The following USP7 variants were observed in gnomAD, a reference collection of about 807,000 sequenced individuals.
USP7 encodes ubiquitin specific peptidase 7.
USP7 carries 9 observed loss-of-function variants against 162.9 expected under a neutral mutation model. The ratio of observed to expected loss-of-function variants is 0.06; its 90% confidence interval spans 0.03 to 0.10. The LOEUF (loss-of-function observed/expected upper bound fraction) is 0.10. Ranked by LOEUF, USP7 falls within the 10% of genes least tolerant of loss-of-function variation. The pLI is 1.00. For synonymous variants in USP7, 562 were observed against 475.9 expected (o/e 1.18, Z -2.35); for missense variants, 715 against 1,373.7 (o/e 0.52, Z 7.58).
intron 1 of USP7, among the ~76,000 whole-genome samples, chr16:8,937,289 A>G (rs1022260291): frequency 4.6e-5 from 7 of 152,324 alleles, no homozygotes; most frequent in Middle Eastern, 3.4e-3. Flanking sequence ...TCACGCCTGT[A>G]ATCCCAACAC....
chr16:8,945,646 T>C lies in USP7; in HGVS notation c.80-15249A>G, dbSNP rs114347515. Among the ~76,000 whole-genome samples the C allele has an allele frequency of 8.6e-3, 1,314 of 152,252 alleles. 23 individuals carry two copies. Among genetic ancestry groups the C allele is most frequent in the African/African-American group, 0.03 (1,231 of 41,536 alleles). Reference sequence around the variant, plus strand: ...AAGATGTTCTCCCCAAATTAATCCATACATTTAAACACAGTCCAATTAAAA... The same window carrying C: ...AAGATGTTCTCCCCAAATTAATCCACACATTTAAACACAGTCCAATTAAAA... On this transcript the variant is annotated intron_variant, in intron 1 of 30. Transcript: ENST00000344836.
chr16:8,962,539 A>G, intron 1 of USP7: 2 of 444,600 alleles, frequency 4.5e-6, no homozygotes, highest in Non-Finnish European at 9.1e-6. Flanking sequence ...GCACGGTTGC[A>G]AGCGCACACC....
chr16:8,923,530 G>C (rs1897819832), intron 2 of USP7, 117 bp from the exon 3 acceptor site: 1 of 1,121,568 alleles, frequency 8.9e-7, no homozygotes. Context: ...AAACCTAACA[G>C]TTTGAAAAAA....
intron 13 of USP7, among the ~76,000 whole-genome samples, chr16:8,905,729 C>T (rs1268994671): frequency 6.6e-6 from 1 of 152,320 alleles, no homozygotes; most frequent in African/African-American, 2.4e-5. Context: ...AGTTATCAAA[C>T]TAAATGAGCT....
intron 13 of USP7, 66 bp downstream of exon 13, chr16:8,906,360 G>A: frequency 6.4e-7 from 1 of 1,566,978 alleles, no homozygotes; most frequent in Non-Finnish European, 8.7e-7. Context: ...AACCAGAACA[G>A]GCTGAAGCAG....
intron 2 of USP7, 28 bp from the exon 3 acceptor site, chr16:8,923,441 A>G: frequency 6.2e-7 from 1 of 1,612,004 alleles, no homozygotes; most frequent in Non-Finnish European, 8.5e-7. Context: ...CATCAGTCAC[A>G]GAGCCTGTGC....
At chr16:8,916,252 A>T (rs932944561) in intron 8 of USP7, among the ~76,000 whole-genome samples, 2 of 152,186 alleles carry the variant, frequency 1.3e-5, no homozygotes, top group African/African-American at 4.8e-5. Context: ...ATACCAATTT[A>T]ACAAATTAAA....
chr16:8,955,029 AC>A (rs1290744884), intron 1 of USP7, among the ~76,000 whole-genome samples: 1 of 152,260 alleles, frequency 6.6e-6, no homozygotes, highest in Non-Finnish European at 1.5e-5. Context: ...CTCAGCTACC[AC>A]GAGATGAATG....
In USP7 at chr16:8,898,789, C is replaced by T. The variant is rs2061728439; in HGVS notation, c.2532-150G>A. 3 of 658,250 alleles carry T rather than the reference C, an allele frequency of 4.6e-6. No individual in the cohort carries two copies. In the South Asian group the frequency reaches 6.1e-5, roughly 13 times the overall value. 40.8% of individuals were successfully genotyped at this position (658,250 alleles called of 1,614,324 possible). On this transcript the variant is annotated intron_variant, in intron 23 of 30. Coordinates refer to ENST00000344836, the MANE Select transcript of USP7 (RefSeq NM_003470.3). ...GGTTTAACTTAATACTCCTGTTTCC[C>T]AAGAACTAAGTCCCACTCGCTGTCA...
chr16:8,921,745 G>C (rs1021208211), intron 3 of USP7, among the ~76,000 whole-genome samples: 1 of 152,108 alleles, frequency 6.6e-6, no homozygotes, highest in East Asian at 1.9e-4. Flanking sequence ...GTCCTGCCCC[G>C]GCATCGACGA....
intron 1 of USP7, among the ~76,000 whole-genome samples, chr16:8,953,305 G>A (rs9936763): frequency 2.6e-5 from 4 of 151,894 alleles, no homozygotes; most frequent in Non-Finnish European, 4.4e-5. Flanking sequence ...AGTCCCATCC[G>A]GGGTAGAGTT....
chr16:8,961,596 G>C (rs1900017928), intron 1 of USP7, among the ~76,000 whole-genome samples: 1 of 149,682 alleles, frequency 6.7e-6, no homozygotes, highest in African/African-American at 2.5e-5. Context: ...AGTAATGTCT[G>C]TTTATTAATT....
At chr16:8,962,862 G>T (rs1257244866) in intron 1 of USP7, 1 of 155,810 alleles carries the variant, frequency 6.4e-6, no homozygotes, top group Non-Finnish European at 1.4e-5. Context: ...CCCCAGAACG[G>T]GGACGGTCCC....
chr16:8,928,698 C>A (rs887128247), intron 2 of USP7, among the ~76,000 whole-genome samples: 1 of 152,174 alleles, frequency 6.6e-6, no homozygotes, highest in Non-Finnish European at 1.5e-5. Context: ...AAAGGTGCTA[C>A]GGAAGATTAC....
chr16:8,935,794 T>C (rs182922493), intron 1 of USP7: 30 of 152,296 alleles, frequency 2.0e-4, no homozygotes, highest in African/African-American at 6.7e-4. Context: ...AGGGCCTATA[T>C]TCCCACCTGC....
chr16:8,917,964 G>C (rs1435657654), intron 6 of USP7, among the ~76,000 whole-genome samples: 1 of 151,734 alleles, frequency 6.6e-6, no homozygotes, highest in African/African-American at 2.4e-5. Flanking sequence ...TAATTTTTTT[G>C]TATTTTTACT....
Position 8,894,775 on chromosome 16 carries a change from G to C in USP7, c.3111+9C>G. 3.1e-6 allele frequency: 5 copies of C among 1,614,230 alleles called. No homozygotes were observed. Among genetic ancestry groups the C allele is most frequent in the Non-Finnish European group, 4.2e-6 (5 of 1,180,048 alleles). On this transcript the variant is annotated intron_variant, in intron 29 of 30. Transcript: ENST00000344836. Reference sequence around the variant, plus strand: ...CCCGCCAAGCCCCCAGGAGGCCCCAGCTGCACACCTTCTCAAACTCCTTCT... The same window carrying C: ...CCCGCCAAGCCCCCAGGAGGCCCCACCTGCACACCTTCTCAAACTCCTTCT...
chr16:8,953,119 C>A (rs1899634667), intron 1 of USP7, among the ~76,000 whole-genome samples: 1 of 152,088 alleles, frequency 6.6e-6, no homozygotes, highest in Non-Finnish European at 1.5e-5. Context: ...CAGGTGTGAG[C>A]CACTATGCCT....
chr16:8,911,910 C>T (rs1353386619), intron 10 of USP7, among the ~76,000 whole-genome samples: 1 of 152,150 alleles, frequency 6.6e-6, no homozygotes, highest in East Asian at 1.9e-4. Context: ...AGTCTGTGTT[C>T]CCACCAGCCA....
Sources: allele counts gnomAD v4.1 joint callset (sites outside exome capture counted in the v4.1 genomes callset), GRCh38; gene constraint gnomAD v4.1.1; transcripts MANE v1.5; gene names NCBI Gene and HGNC (gene_info 2026-07-23, HGNC 2026-07-21).